TSHZ2: variants seen among roughly 807,000 people sequenced by gnomAD.
TSHZ2 encodes the protein teashirt homolog 2.
A neutral mutation model predicts 74.4 loss-of-function variants in TSHZ2; 21 were observed. The observed-to-expected ratio is 0.28, with a 90% CI of 0.20 to 0.41. TSHZ2 has a LOEUF of 0.41. Ranked by LOEUF, TSHZ2 falls within the 10% of genes least tolerant of loss-of-function variation. TSHZ2 has a pLI of 1.00. For synonymous variants in TSHZ2, 540 were observed against 515.3 expected (o/e 1.05, Z -0.65); for missense variants, 1,244 against 1,293.5 (o/e 0.96, Z 0.59).
chr20:53,415,156 A>T (rs763145668), intron 2 of TSHZ2, among the ~76,000 whole-genome samples: 1 of 152,112 alleles, frequency 6.6e-6, no homozygotes, highest in Non-Finnish European at 1.5e-5. Flanking sequence ...TCTCTCTTTC[A>T]TTTGCCTTTA....
chr20:53,100,130 G>A (rs1169026716), intron 1 of TSHZ2, among the ~76,000 whole-genome samples: 2 of 152,088 alleles, frequency 1.3e-5, no homozygotes. Flanking sequence ...ATTAATCCTG[G>A]AGACTCACTG....
At chr20:53,166,752 C>A (rs779447677) in intron 1 of TSHZ2, among the ~76,000 whole-genome samples, 1 of 151,992 alleles carries the variant, frequency 6.6e-6, no homozygotes, top group Non-Finnish European at 1.5e-5. Context: ...GCCTGGGCAA[C>A]AAAGTGAGAC....
Position 53,009,296 on chromosome 20 carries a change from C to T in TSHZ2, c.40+35963C>T, listed in dbSNP as rs111565012. 4.8e-3 allele frequency among the ~76,000 whole-genome samples: 725 copies of T among 152,174 alleles called. 3 individuals are homozygous for T. The highest frequency in any genetic ancestry group is 0.016 in the African/African-American group (661 of 41,502). On this transcript the variant is annotated intron_variant, in intron 1 of 2. Transcript: ENST00000371497. The stretch of plus-strand genomic sequence containing the variant: ...GAGGCTGCAGTGAGCCGTGATCCTG[C>T]CACTGTACTCCAGCCTGGGTGATAA...
chr20:52,995,400 G>A (rs2248281), intron 1 of TSHZ2, among the ~76,000 whole-genome samples: 65,172 of 151,854 alleles, frequency 0.43, 14,345 homozygotes, highest in Non-Finnish European at 0.47. Context: ...AGGTTTCCAC[G>A]ACCCTCCCTG....
intron 1 of TSHZ2, among the ~76,000 whole-genome samples, chr20:53,155,052 A>ATTTTTTT (rs11475183): frequency 2.5e-4 from 29 of 118,076 alleles, no homozygotes; most frequent in African/African-American, 5.3e-4. Flanking sequence ...TTGAATATGC[A>ATTTTTTT]TTTTTTTTTT....
chr20:53,248,120 C>CA (rs1990246534), intron 1 of TSHZ2, among the ~76,000 whole-genome samples: 1 of 152,168 alleles, frequency 6.6e-6, no homozygotes, highest in Non-Finnish European at 1.5e-5. Flanking sequence ...ACCCAGACTG[C>CA]AGGGCAGTGG....
In TSHZ2 at chr20:53,256,192, G is replaced by A. The variant is rs201998606; in HGVS notation, c.2734G>A (p.Gly912Arg). 49 of 1,612,496 alleles carry A rather than the reference G, an allele frequency of 3.0e-5. No individual in the cohort carries two copies. The East Asian group carries it at 3.6e-4, about 12-fold the overall frequency. ...NVKYQLRKTG[G>R]TKFLKNMDKG... ...CAAGTACCAGCTTAGGAAAACGGGCGGGACAAAATTTCTGAAAAACATGGA... is the reference window on the plus strand; with the variant it reads ...CAAGTACCAGCTTAGGAAAACGGGCAGGACAAAATTTCTGAAAAACATGGA... The change falls in exon 2 of 3, where the codon GGG becomes AGG. Residue 912 changes from glycine (G) to arginine (R), a missense_variant. Coordinates refer to ENST00000371497, the MANE Select transcript of TSHZ2 (RefSeq NM_173485.6). This position sits in a 1 kb window ranked among gnomAD's most constrained non-coding sequence, Gnocchi z 4.3.
intron 2 of TSHZ2, among the ~76,000 whole-genome samples, chr20:53,455,712 C>G (rs1005971041): frequency 6.6e-6 from 1 of 151,716 alleles, no homozygotes; most frequent in Admixed American, 6.6e-5. Flanking sequence ...ATCCCTCCCC[C>G]GCCCCACCCC....
chr20:53,113,729 C>T (rs760814168), intron 1 of TSHZ2, among the ~76,000 whole-genome samples: 2 of 152,136 alleles, frequency 1.3e-5, no homozygotes, highest in Non-Finnish European at 2.9e-5. Flanking sequence ...AGTCCTTAAG[C>T]GTAGGTTAAT....
At chr20:53,303,959 C>T (rs1213361383) in intron 2 of TSHZ2, among the ~76,000 whole-genome samples, 4 of 152,012 alleles carry the variant, frequency 2.6e-5, no homozygotes, top group Non-Finnish European at 5.9e-5. Flanking sequence ...TAGAGTTAAC[C>T]CAAGGTGGAC....
intron 1 of TSHZ2, among the ~76,000 whole-genome samples, chr20:53,119,090 C>T (rs1210234851): frequency 6.6e-6 from 1 of 152,138 alleles, no homozygotes; most frequent in Non-Finnish European, 1.5e-5. Flanking sequence ...GATCCAACCA[C>T]CTCCCACCAG....
chr20:52,990,398 A>C (rs112054164), intron 1 of TSHZ2, among the ~76,000 whole-genome samples: 1,723 of 151,810 alleles, frequency 0.011, 28 homozygotes, highest in African/African-American at 0.039. Flanking sequence ...ACGTAAATAA[A>C]ATATATCAAT....
intron 1 of TSHZ2, among the ~76,000 whole-genome samples, chr20:53,027,031 A>G (rs533934313): frequency 1.3e-5 from 2 of 152,238 alleles, no homozygotes; most frequent in Admixed American, 1.3e-4. Flanking sequence ...CATTTCATTA[A>G]ATAGTACTCT....
intron 2 of TSHZ2, among the ~76,000 whole-genome samples, chr20:53,336,857 TACAC>T (rs1368027050): frequency 1.3e-5 from 2 of 152,088 alleles, no homozygotes; most frequent in Admixed American, 6.6e-5. Context: ...TGTGTATACA[TACAC>T]ACACTCATAC....
intron 2 of TSHZ2, among the ~76,000 whole-genome samples, chr20:53,275,292 A>C (rs1000800520): frequency 2.0e-5 from 3 of 152,126 alleles, no homozygotes; most frequent in African/African-American, 7.2e-5. Flanking sequence ...AAAAATGCAG[A>C]GTCTCCTCTG....
intron 1 of TSHZ2, among the ~76,000 whole-genome samples, chr20:53,133,227 A>G (rs1000381312): frequency 6.6e-6 from 1 of 152,138 alleles, no homozygotes; most frequent in African/African-American, 2.4e-5. Context: ...TGGCTTCTAC[A>G]TGATCCCCAT....
At chr20:53,167,567 T>TTGTG (rs148456384) in intron 1 of TSHZ2, among the ~76,000 whole-genome samples, 6 of 151,086 alleles carry the variant, frequency 4.0e-5, no homozygotes, top group Admixed American at 2.0e-4. Flanking sequence ...GCTTGCTTGT[T>TTGTG]TGTGTGTGTG....
chr20:53,340,663 T>G (rs1378657240), intron 2 of TSHZ2, among the ~76,000 whole-genome samples: 1 of 152,218 alleles, frequency 6.6e-6, no homozygotes, highest in Non-Finnish European at 1.5e-5. Context: ...CTTCACAGTT[T>G]CACTTAGATT....
chr20:53,249,844 TAAAAG>T (rs112733122), intron 1 of TSHZ2, among the ~76,000 whole-genome samples: 2,286 of 152,324 alleles, frequency 0.015, 50 homozygotes, highest in African/African-American at 0.051. Flanking sequence ...CTGCAGGAGT[TAAAAG>T]AGAGGGCTGT....
Sources: gnomAD v4.1 joint callset for allele counts (sites outside exome capture counted in the v4.1 genomes callset) on GRCh38, gnomAD v4.1.1 for gene constraint, Gnocchi (gnomAD v3.1) non-coding constraint, MANE v1.5 for transcripts, NCBI Gene and HGNC (gene_info 2026-07-23, HGNC 2026-07-21) for gene names.